CYREN: variants seen among roughly 807,000 people sequenced by gnomAD.
CYREN encodes cell cycle regulator of NHEJ, also known as cell cycle regulator of non-homologous end joining.
Under a neutral mutation model 9.7 loss-of-function variants are expected in CYREN, and 7 were observed. That is an observed-to-expected ratio of 0.72 (90% CI 0.41 to 1.36). The LOEUF (loss-of-function observed/expected upper bound fraction) is 1.36. Ranked by LOEUF, CYREN falls within the 40% of genes most tolerant of loss-of-function variation. CYREN has a pLI of 0.01. For synonymous variants in CYREN, 76 were observed against 77.9 expected (o/e 0.98, Z 0.13); for missense variants, 215 against 198.1 (o/e 1.09, Z -0.51).
intron 2 of CYREN, among the ~76,000 whole-genome samples, chr7:135,109,668 C>G (rs1029235477): frequency 1.3e-5 from 2 of 152,010 alleles, no homozygotes. Flanking sequence ...AAAACACTAG[C>G]AGGGGTATCT....
At chr7:135,125,221 T>C (rs1827706479) in intron 2 of CYREN, among the ~76,000 whole-genome samples, 1 of 152,072 alleles carries the variant, frequency 6.6e-6, no homozygotes, top group South Asian at 2.1e-4. Flanking sequence ...ATATCACCAC[T>C]GATCCCACAG....
intron 2 of CYREN, among the ~76,000 whole-genome samples, chr7:135,144,914 C>CAGAG (rs1035918507): frequency 5.5e-5 from 6 of 108,302 alleles, no homozygotes; most frequent in Admixed American, 1.4e-4. Flanking sequence ...GCCTAGGTGA[C>CAGAG]AGAGAGACCC....
Position 135,095,042 on chromosome 7 carries a change from CCAAGATAGAGT to C in CYREN, n.357-471_357-461del, listed in dbSNP as rs1822455052. On this transcript the variant is annotated intron_variant and non_coding_transcript_variant, in intron 2 of 2. Coordinates refer to the CYREN transcript ENST00000459937. Reference sequence around the variant, plus strand: ...AGCAGTTCAACATGGAGTAAGTAGCCCAAGATAGAGTCACTCATGTTAAGCCTGGAACTCTG... The same window carrying C: ...AGCAGTTCAACATGGAGTAAGTAGCCCACTCATGTTAAGCCTGGAACTCTG... Among the ~76,000 whole-genome samples the C allele has an allele frequency of 3.9e-5, 6 of 152,156 alleles. No homozygotes were observed. In the South Asian group the frequency reaches 1.2e-3, roughly 32 times the overall value.
At chr7:135,171,566 A>G (rs1403515903), upstream of CYREN, among the ~76,000 whole-genome samples, 1 of 152,178 alleles carries the variant, frequency 6.6e-6, no homozygotes, top group African/African-American at 2.4e-5. Flanking sequence ...GCTCAAATCA[A>G]TCACGACCCT....
rs139259470 is a variant in CYREN, at chr7:135,146,470, C to T, written n.356+22279G>A. ...TGAAAAAATGGTGCCAATAGACTTG[C>T]TCGATGCAAAAATGCCACAAATCCT... On this transcript the variant is annotated intron_variant and non_coding_transcript_variant, in intron 2 of 2. Transcript: ENST00000459937. Among the ~76,000 whole-genome samples the T allele has an allele frequency of 4.0e-3, 602 of 152,208 alleles. 3 individuals are homozygous for T. Among genetic ancestry groups the T allele is most frequent in the African/African-American group, 0.013 (548 of 41,540 alleles).
intron 2 of CYREN, chr7:135,134,867 T>A: frequency 6.5e-7 from 1 of 1,549,990 alleles, no homozygotes; most frequent in African/African-American, 1.4e-5. Flanking sequence ...TGCAGAAATA[T>A]AAAGAAATAC....
intron 2 of CYREN, among the ~76,000 whole-genome samples, chr7:135,142,215 A>C (rs930000942): frequency 2.0e-5 from 3 of 151,494 alleles, no homozygotes; most frequent in Non-Finnish European, 2.9e-5. Flanking sequence ...GCATTTGCCC[A>C]CTATTTCAGA....
chr7:135,132,256 C>T (rs1460726312), intron 2 of CYREN, among the ~76,000 whole-genome samples: 1 of 151,988 alleles, frequency 6.6e-6, no homozygotes. Flanking sequence ...ATTTAACAAG[C>T]TAAATCTAAC....
intron 3 of CYREN, chr7:135,167,260 A>G: frequency 9.3e-7 from 1 of 1,078,198 alleles, no homozygotes; most frequent in South Asian, 3.5e-5. Context: ...CTAAAATGAC[A>G]TAACGCATGC....
At chr7:135,155,701 A>G (rs1829775175) in intron 2 of CYREN, among the ~76,000 whole-genome samples, 1 of 152,172 alleles carries the variant, frequency 6.6e-6, no homozygotes, top group African/African-American at 2.4e-5. Context: ...AAAATTAAAA[A>G]TTAACCGGGC....
At chr7:135,119,849 C>G (rs1826893237) in intron 2 of CYREN, among the ~76,000 whole-genome samples, 1 of 152,148 alleles carries the variant, frequency 6.6e-6, no homozygotes, top group Non-Finnish European at 1.5e-5. Context: ...TGCACTCCAG[C>G]CTGGGTGACA....
At chr7:135,148,878 T>G (rs565888162) in intron 2 of CYREN, among the ~76,000 whole-genome samples, 1 of 152,338 alleles carries the variant, frequency 6.6e-6, no homozygotes, top group South Asian at 2.1e-4. Flanking sequence ...TTGATGCATA[T>G]TTTAAGAGAT....
chr7:135,154,620 G>C (rs1031372523), intron 2 of CYREN, among the ~76,000 whole-genome samples: 12 of 152,134 alleles, frequency 7.9e-5, no homozygotes, highest in African/African-American at 2.9e-4. Flanking sequence ...TAGTTGTTCA[G>C]GAGCATGCTG....
intron 2 of CYREN, among the ~76,000 whole-genome samples, chr7:135,148,951 A>C (rs1829608094): frequency 6.6e-6 from 1 of 152,170 alleles, no homozygotes; most frequent in Non-Finnish European, 1.5e-5. Flanking sequence ...CTATAAAATC[A>C]AAGGCTCCTT....
intron 2 of CYREN, chr7:135,115,684 A>G (rs746442579): frequency 1.2e-5 from 15 of 1,249,088 alleles, no homozygotes; most frequent in Non-Finnish European, 1.5e-5. Flanking sequence ...TTATTAATTT[A>G]TTATCCTACG....
At chr7:135,142,978 G>A (rs1447344808) in intron 2 of CYREN, among the ~76,000 whole-genome samples, 1 of 152,084 alleles carries the variant, frequency 6.6e-6, no homozygotes, top group Non-Finnish European at 1.5e-5. Flanking sequence ...TTCATATGGA[G>A]AGGCAAAAGA....
chr7:135,164,734 C>G (rs771090349), downstream of CYREN: 6 of 1,614,126 alleles, frequency 3.7e-6, no homozygotes, highest in Admixed American at 8.3e-5. Flanking sequence ...CTCTTTGCCC[C>G]CCAGCCTCTC....
chr7:135,096,447 T>C (rs2116965453), intron 2 of CYREN, among the ~76,000 whole-genome samples: 1 of 151,308 alleles, frequency 6.6e-6, no homozygotes, highest in South Asian at 2.1e-4. Flanking sequence ...TATATGGCTA[T>C]TCTTTTAATG....
chr7:135,139,614 G>A (rs750037271), intron 2 of CYREN, among the ~76,000 whole-genome samples: 31 of 151,932 alleles, frequency 2.0e-4, no homozygotes, highest in Middle Eastern at 3.4e-3. Context: ...TGTTGCAATT[G>A]CTTTTGTAGT....
Sources: allele counts gnomAD v4.1 joint callset (sites outside exome capture counted in the v4.1 genomes callset), GRCh38; gene constraint gnomAD v4.1.1; transcripts MANE v1.5; gene names NCBI Gene and HGNC (gene_info 2026-07-23, HGNC 2026-07-21).